EDIL3: variants seen among roughly 807,000 people sequenced by gnomAD.
The protein encoded by EDIL3 is EGF-like repeat and discoidin I-like domain-containing protein 3.
In EDIL3, 37 loss-of-function variants were observed where a neutral mutation model predicts 67.4. The ratio of observed to expected loss-of-function variants is 0.55; its 90% CI spans 0.42 to 0.72. The LOEUF is 0.72. EDIL3 is among the 30% of genes least tolerant of loss of function. The pLI is 0.00. For synonymous variants in EDIL3, 195 were observed against 196.3 expected (o/e 0.99, Z 0.05); for missense variants, 527 against 586.3 (o/e 0.90, Z 1.04).
chr5:84,053,545 A>T (rs1444325706), intron 9 of EDIL3, among the ~76,000 whole-genome samples: 1 of 152,164 alleles, frequency 6.6e-6, no homozygotes, highest in Admixed American at 6.5e-5. Context: ...AGATCAACAA[A>T]ATTGATAGAC....
At position 84,384,701 on chromosome 5, in the gene EDIL3, G is replaced by A. The variant is rs1165757881; in HGVS notation, c.-327C>T. 12 of 167,882 alleles carry A rather than the reference G, an allele frequency of 7.1e-5. No individual in the cohort carries two copies. Among genetic ancestry groups the A allele is most frequent in the East Asian group, 1.7e-4 (1 of 5,948 alleles). 10.4% of individuals were successfully genotyped at this position (167,882 alleles called of 1,614,324 possible). ...GGGCGCGGGCTCCCGCGGCCGCCCCGGGTCTGCTGCGCGGGCAGGCAGACC... is the reference window on the plus strand; with the variant it reads ...GGGCGCGGGCTCCCGCGGCCGCCCCAGGTCTGCTGCGCGGGCAGGCAGACC... On this transcript the variant is annotated 5_prime_UTR_variant, in exon 1 of 11. Transcript: ENST00000296591.
intron 4 of EDIL3, among the ~76,000 whole-genome samples, chr5:84,141,020 G>C (rs1222015970): frequency 6.6e-6 from 1 of 152,004 alleles, no homozygotes; most frequent in Non-Finnish European, 1.5e-5. Flanking sequence ...AACGTTCACA[G>C]AATATAGTGC....
At chr5:84,377,390 A>T (rs551651634) in intron 1 of EDIL3, among the ~76,000 whole-genome samples, 1 of 151,986 alleles carries the variant, frequency 6.6e-6, no homozygotes, top group Non-Finnish European at 1.5e-5. Context: ...ACTGCTCTAC[A>T]TTACAGAGAG....
intron 1 of EDIL3, among the ~76,000 whole-genome samples, chr5:84,345,330 T>C (rs2112182148): frequency 6.6e-6 from 1 of 152,132 alleles, no homozygotes; most frequent in East Asian, 1.9e-4. Context: ...GGAAAATTGC[T>C]CAAATGTTCT....
chr5:83,967,443 T>A (rs1744716649), intron 9 of EDIL3, among the ~76,000 whole-genome samples: 1 of 152,094 alleles, frequency 6.6e-6, no homozygotes, highest in Non-Finnish European at 1.5e-5. Context: ...AGATTCCAAA[T>A]CTTATTGAGT....
At chr5:84,210,626 C>T (rs554963654) in intron 3 of EDIL3, among the ~76,000 whole-genome samples, 4 of 151,984 alleles carry the variant, frequency 2.6e-5, no homozygotes, top group African/African-American at 9.6e-5. Context: ...AATTATAGTT[C>T]CTGCCTAAAT....
At chr5:84,150,343 T>C (rs1019724883) in intron 4 of EDIL3, among the ~76,000 whole-genome samples, 1 of 152,076 alleles carries the variant, frequency 6.6e-6, no homozygotes, top group African/African-American at 2.4e-5. Context: ...TTTAAGAGAA[T>C]TAAAAGACAA....
intron 1 of EDIL3, among the ~76,000 whole-genome samples, chr5:84,261,064 A>G (rs1270885604): frequency 1.3e-5 from 2 of 152,172 alleles, no homozygotes; most frequent in Admixed American, 1.3e-4. Context: ...CTGTACTATC[A>G]TTTCACTTAA....
intron 9 of EDIL3, among the ~76,000 whole-genome samples, chr5:83,995,289 A>G (rs1745219859): frequency 6.6e-6 from 1 of 152,052 alleles, no homozygotes; most frequent in Non-Finnish European, 1.5e-5. Flanking sequence ...GCAGGACCCT[A>G]GCGGAGATTC....
chr5:84,338,950 G>C (rs772360733), intron 1 of EDIL3, among the ~76,000 whole-genome samples: 1 of 152,060 alleles, frequency 6.6e-6, no homozygotes, highest in Non-Finnish European at 1.5e-5. Flanking sequence ...ATTTTGGGCT[G>C]AGTCCTGCAA....
At chr5:84,165,535 G>A (rs1361201285) in intron 4 of EDIL3, among the ~76,000 whole-genome samples, 1 of 152,124 alleles carries the variant, frequency 6.6e-6, no homozygotes, top group Non-Finnish European at 1.5e-5. Context: ...CCTAGGCTGT[G>A]AGAATGTAGC....
At chr5:84,151,285 A>G (rs1231465138) in intron 4 of EDIL3, among the ~76,000 whole-genome samples, 1 of 151,764 alleles carries the variant, frequency 6.6e-6, no homozygotes, top group Non-Finnish European at 1.5e-5. Flanking sequence ...ACACACACAC[A>G]CACACACACA....
At chr5:84,180,330 G>T in intron 4 of EDIL3, 63 bp downstream of exon 4, 1 of 1,475,884 alleles carries the variant, frequency 6.8e-7, no homozygotes. Flanking sequence ...AAACAAGAAT[G>T]ATGATGGCTT....
At chr5:84,014,955 GA>G (rs1745575135) in intron 9 of EDIL3, among the ~76,000 whole-genome samples, 1 of 152,160 alleles carries the variant, frequency 6.6e-6, no homozygotes. Flanking sequence ...AGAAACAAAA[GA>G]AGGTTGGACA....
At chr5:84,147,700 C>T (rs181739777) in intron 4 of EDIL3, among the ~76,000 whole-genome samples, 105 of 151,732 alleles carry the variant, frequency 6.9e-4, no homozygotes, top group African/African-American at 2.5e-3. Context: ...AGTTCAATTA[C>T]ATTTTTTTTC....
At chr5:84,201,058 A>G (rs1462593130) in intron 3 of EDIL3, among the ~76,000 whole-genome samples, 1 of 152,096 alleles carries the variant, frequency 6.6e-6, no homozygotes, top group Non-Finnish European at 1.5e-5. Flanking sequence ...TAATGATACA[A>G]TTTAATTTCT....
At chr5:84,326,669 T>C (rs1746763294) in intron 1 of EDIL3, among the ~76,000 whole-genome samples, 1 of 152,022 alleles carries the variant, frequency 6.6e-6, no homozygotes, top group East Asian at 1.9e-4. Flanking sequence ...GTCTCTAGCA[T>C]TCTGTATTTT....
At chr5:84,032,641 T>C (rs1438462870) in intron 9 of EDIL3, among the ~76,000 whole-genome samples, 3 of 152,218 alleles carry the variant, frequency 2.0e-5, no homozygotes, top group Non-Finnish European at 4.4e-5. Context: ...GCTTTCATTT[T>C]CAAGCACTGT....
intron 3 of EDIL3, among the ~76,000 whole-genome samples, chr5:84,215,137 C>T (rs1457310595): frequency 6.6e-6 from 1 of 152,172 alleles, no homozygotes; most frequent in African/African-American, 2.4e-5. Flanking sequence ...ATGTATCAAA[C>T]ACTTGTTCTA....
Sources: allele counts gnomAD v4.1 joint callset (sites outside exome capture counted in the v4.1 genomes callset), GRCh38; gene constraint gnomAD v4.1.1; transcripts MANE v1.5; gene names NCBI Gene and HGNC (gene_info 2026-07-23, HGNC 2026-07-21).